Variants in UTRN observed in about 807,000 individuals in gnomAD.
UTRN encodes the protein dystrophin-related protein 1.
In UTRN, 283 loss-of-function variants were observed where a neutral mutation model predicts 463.9. That is an observed-to-expected ratio of 0.61 (90% CI 0.55 to 0.67). UTRN has a LOEUF of 0.67. Among genes scored for constraint, UTRN ranks in the 30% least tolerant of loss-of-function variants. The pLI, the probability that UTRN is intolerant of heterozygous loss-of-function variation, is 0.00. For missense variants in UTRN, 3,922 were observed against 4,084.3 expected (o/e 0.96, Z 1.08); for synonymous variants, 1,442 against 1,431.5 (o/e 1.01, Z -0.17).
chr6:144,841,434 A>C (rs1321770196), intron 73 of UTRN, among the ~76,000 whole-genome samples: 3 of 152,212 alleles, frequency 2.0e-5, no homozygotes, highest in Non-Finnish European at 4.4e-5. Flanking sequence ...CCAGAAAATA[A>C]CCAAATTCCT....
At chr6:144,634,631 G>C (rs1387198030) in intron 51 of UTRN, among the ~76,000 whole-genome samples, 1 of 152,176 alleles carries the variant, frequency 6.6e-6, no homozygotes, top group Non-Finnish European at 1.5e-5. Flanking sequence ...GGTATTTAGT[G>C]TATTTATAGA....
chr6:144,541,914 T>C (rs1798007985), intron 45 of UTRN, among the ~76,000 whole-genome samples: 1 of 152,170 alleles, frequency 6.6e-6, no homozygotes. Flanking sequence ...AATGAAAGTG[T>C]CTAGAAGAGA....
chr6:144,533,193 G>T lies in UTRN; in HGVS notation c.6166G>T (p.Glu2056Ter). ...CCAGGCAGATGGAAGCTTCTTGAAA[G>T]AAAAACTGGCAGGTTTAAACCAACG... ...LSQADGSFLK[E>*]KLAGLNQRWD... is the part of the protein sequence containing the mutation. The change falls in exon 43 of 75, where the codon GAA becomes TAA. Residue 2056 changes from glutamate to a stop codon, truncating the protein, a stop_gained. Coordinates refer to ENST00000367545, the MANE Select transcript of UTRN (RefSeq NM_007124.3). LOFTEE classifies it high-confidence loss of function. 6.2e-7 allele frequency: 1 copy of T among 1,614,150 alleles called. No individual in the cohort carries two copies. The highest frequency in any genetic ancestry group is 8.5e-7 in the Non-Finnish European group (1 of 1,180,004).
At chr6:144,505,998 C>G (rs1794661764) in intron 34 of UTRN, among the ~76,000 whole-genome samples, 1 of 152,076 alleles carries the variant, frequency 6.6e-6, no homozygotes, top group Non-Finnish European at 1.5e-5. Flanking sequence ...ATCCCTTTAC[C>G]ATTCTGTTAT....
Position 144,641,802 on chromosome 6 carries a change from A to G in UTRN, c.7480-36604A>G, listed in dbSNP as rs199749753. Among the ~76,000 whole-genome samples, 27 of 152,346 alleles carry G rather than the reference A, an allele frequency of 1.8e-4. No individual in the cohort carries two copies. In the East Asian group the frequency reaches 4.6e-3, roughly 26 times the overall value. ...CTCGTTATTAAGGAAAAAATACTCA[A>G]GACCCGAATAATATTGCCATGAATA... On this transcript the variant is annotated intron_variant, in intron 51 of 74. Coordinates refer to ENST00000367545, the MANE Select transcript of UTRN (RefSeq NM_007124.3).
intron 50 of UTRN, among the ~76,000 whole-genome samples, chr6:144,567,870 T>A (rs887589508): frequency 5.3e-5 from 8 of 152,320 alleles, no homozygotes; most frequent in African/African-American, 1.4e-4. Flanking sequence ...TATCTATTCA[T>A]GTTCAAATAC....
At position 144,601,953 on chromosome 6, in the gene UTRN, G is replaced by A. The variant is rs374229108; in HGVS notation, c.7479+24665G>A. Among the ~76,000 whole-genome samples the A allele has an allele frequency of 4.6e-5, 7 of 152,010 alleles. No homozygotes were observed. The East Asian group carries it at 7.7e-4, about 17-fold the overall frequency. On this transcript the variant is annotated intron_variant, in intron 51 of 74. Coordinates refer to ENST00000367545, the MANE Select transcript of UTRN (RefSeq NM_007124.3). ...TTGCTGAAGGCCCAGATAGACAATC[G>A]TTAGCATTTTTTTTTGCAATAAAAT...
intron 2 of UTRN, among the ~76,000 whole-genome samples, chr6:144,383,112 T>G (rs1282401916): frequency 6.6e-6 from 1 of 152,070 alleles, no homozygotes; most frequent in Non-Finnish European, 1.5e-5. Context: ...TTGTACTTTT[T>G]GTAGAGACAG....
chr6:144,456,075 T>C (rs975809215), intron 19 of UTRN, among the ~76,000 whole-genome samples: 5 of 152,178 alleles, frequency 3.3e-5, no homozygotes, highest in Non-Finnish European at 5.9e-5. Context: ...CCCTAATTCT[T>C]TTTTGTTTTA....
At chr6:144,774,395 G>C (rs1775126218) in intron 60 of UTRN, 31 bp downstream of exon 60, 2 of 1,511,928 alleles carry the variant, frequency 1.3e-6, no homozygotes, top group South Asian at 1.3e-5. Context: ...TAATCAATCT[G>C]TTACTTGAAT....
intron 51 of UTRN, among the ~76,000 whole-genome samples, chr6:144,599,180 A>G (rs1430341579): frequency 3.9e-5 from 6 of 152,224 alleles, no homozygotes; most frequent in Non-Finnish European, 8.8e-5. Flanking sequence ...AAGACCAGGA[A>G]TTAACCAGCC....
chr6:144,358,344 A>G (rs1778755504), intron 2 of UTRN, among the ~76,000 whole-genome samples: 1 of 152,224 alleles, frequency 6.6e-6, no homozygotes, highest in African/African-American at 2.4e-5. Context: ...ATACACACAC[A>G]CTTTGTATAA....
chr6:144,430,303 G>T (rs1785684519), intron 9 of UTRN, among the ~76,000 whole-genome samples: 1 of 152,076 alleles, frequency 6.6e-6, no homozygotes, highest in Non-Finnish European at 1.5e-5. Flanking sequence ...TTTAAAGAGA[G>T]AAATAAAATC....
intron 65 of UTRN, among the ~76,000 whole-genome samples, chr6:144,808,955 G>A (rs1778378079): frequency 6.6e-6 from 1 of 152,074 alleles, no homozygotes; most frequent in South Asian, 2.1e-4. Context: ...TGTGAATAAT[G>A]CTACAGTGCA....
At chr6:144,431,001 A>T (rs896639740) in intron 9 of UTRN, among the ~76,000 whole-genome samples, 1 of 152,186 alleles carries the variant, frequency 6.6e-6, no homozygotes, top group East Asian at 1.9e-4. Context: ...TCTCTTTTGT[A>T]GTGAATATCA....
chr6:144,633,097 A>C (rs1341298586), intron 51 of UTRN, among the ~76,000 whole-genome samples: 1 of 152,118 alleles, frequency 6.6e-6, no homozygotes, highest in Non-Finnish European at 1.5e-5. Context: ...CCAGTGCTTC[A>C]TTGCTTATGT....
intron 2 of UTRN, among the ~76,000 whole-genome samples, chr6:144,375,006 A>C (rs1325406584): frequency 6.6e-6 from 1 of 152,102 alleles, no homozygotes; most frequent in East Asian, 1.9e-4. Context: ...GAATTCCTCA[A>C]TCTTGATGAA....
intron 35 of UTRN, 116 bp from the exon 36 acceptor site, chr6:144,513,793 C>T: frequency 1.7e-6 from 2 of 1,172,642 alleles, no homozygotes; most frequent in East Asian, 2.6e-5. Context: ...AAGGTGAAAG[C>T]TCTCCTTTAA....
intron 19 of UTRN, 21 bp downstream of exon 19, chr6:144,453,890 C>T: frequency 6.2e-7 from 1 of 1,603,300 alleles, no homozygotes; most frequent in East Asian, 2.2e-5. Flanking sequence ...TGATTTTTTT[C>T]CCCTATATTT....
Sources: gnomAD v4.1 joint callset for allele counts (sites outside exome capture counted in the v4.1 genomes callset) on GRCh38, gnomAD v4.1.1 for gene constraint, MANE v1.5 for transcripts, NCBI Gene and HGNC (gene_info 2026-07-23, HGNC 2026-07-21) for gene names.